STK10: variants seen among roughly 807,000 people sequenced by gnomAD.
STK10 encodes serine/threonine-protein kinase 10.
In STK10, 78 loss-of-function variants were observed where a neutral mutation model predicts 113.8. The ratio of observed to expected loss-of-function variants is 0.69; its 90% CI spans 0.57 to 0.83. The LOEUF is 0.83. Ranked by LOEUF, STK10 falls within the 40% of genes least tolerant of loss-of-function variation. The pLI, the probability that STK10 is intolerant of heterozygous loss-of-function variation, is 0.00. For synonymous variants in STK10, 465 were observed against 494.7 expected, an observed-to-expected ratio of 0.94 and a Z score of 0.80; for missense variants, 1,109 against 1,280.1, an observed-to-expected ratio of 0.87 and a Z score of 2.04.
intron 1 of STK10, among the ~76,000 whole-genome samples, chr5:172,176,618 C>T (rs543929565): frequency 0.015 from 2,283 of 152,274 alleles, 50 homozygotes; most frequent in African/African-American, 0.05. Flanking sequence ...AAAAGACAGT[C>T]CTTCTCTAAT....
chr5:172,175,400 G>A (rs927674838), intron 1 of STK10, among the ~76,000 whole-genome samples: 9 of 152,092 alleles, frequency 5.9e-5, no homozygotes, highest in African/African-American at 1.9e-4. Flanking sequence ...AGAGGGAGAA[G>A]GGAGAAGGAA....
At chr5:172,184,802 G>A (rs1420432770) in intron 1 of STK10, among the ~76,000 whole-genome samples, 4 of 151,866 alleles carry the variant, frequency 2.6e-5, no homozygotes, top group African/African-American at 4.8e-5. Flanking sequence ...TAGGGCACGC[G>A]CCACCACACC....
chr5:172,064,414 G>C (rs1212186048), intron 13 of STK10: 5 of 428,754 alleles, frequency 1.2e-5, no homozygotes, highest in Non-Finnish European at 2.1e-5. Context: ...GGTTGGTCAA[G>C]GAGATGTGAC....
chr5:172,072,758 G>T (rs941093086), intron 12 of STK10, among the ~76,000 whole-genome samples: 7 of 152,070 alleles, frequency 4.6e-5, no homozygotes, highest in African/African-American at 1.7e-4. Context: ...CCTACTGGAG[G>T]CCTTGGCTAG....
rs1232584006 is a variant in STK10 at position 172,160,202 on chromosome 5, G to T, written c.157-3414C>A. 2.7e-5 allele frequency among the ~76,000 whole-genome samples: 4 copies of T among 147,866 alleles called. No homozygotes were observed. The East Asian group carries it at 6.1e-4, about 23-fold the overall frequency. On this transcript the variant is annotated intron_variant, in intron 1 of 18. Transcript: ENST00000176763. ...TACAAAATGGCCCCTAGCCAGGTGCGGTGGTTCATGCCTGTAATCCCAGCA... is the reference window on the plus strand; with the variant it reads ...TACAAAATGGCCCCTAGCCAGGTGCTGTGGTTCATGCCTGTAATCCCAGCA...
chr5:172,114,471 A>ATTTTT (rs1216558864), intron 4 of STK10: 139 of 38,390 alleles, frequency 3.6e-3, no homozygotes, highest in Non-Finnish European at 3.9e-3. Flanking sequence ...ATATATATAT[A>ATTTTT]TATTTTTTTT....
chr5:172,158,981 T>G (rs1394526678), intron 1 of STK10, among the ~76,000 whole-genome samples: 9 of 152,156 alleles, frequency 5.9e-5, no homozygotes, highest in Non-Finnish European at 2.9e-5. Flanking sequence ...TACACAGCTG[T>G]GAACTGATTT....
At chr5:172,062,909 T>A (rs1302823616) in intron 13 of STK10, among the ~76,000 whole-genome samples, 2 of 152,240 alleles carry the variant, frequency 1.3e-5, no homozygotes, top group Non-Finnish European at 2.9e-5. Flanking sequence ...TATGACTATT[T>A]TACCACAATT....
At chr5:172,057,283 C>A in intron 15 of STK10, 66 bp downstream of exon 15, 1 of 1,545,006 alleles carries the variant, frequency 6.5e-7, no homozygotes, top group South Asian at 1.2e-5. Flanking sequence ...CCATCACATA[C>A]AGCCTCATGG....
chr5:172,100,339 C>T (rs752454869), intron 7 of STK10, among the ~76,000 whole-genome samples: 6 of 152,198 alleles, frequency 3.9e-5, no homozygotes, highest in Non-Finnish European at 2.9e-5. Flanking sequence ...TCAGTGCCAT[C>T]TTTGCTGAAA....
chr5:172,161,429 G>A (rs1239627227), intron 1 of STK10, among the ~76,000 whole-genome samples: 1 of 151,882 alleles, frequency 6.6e-6, no homozygotes, highest in Non-Finnish European at 1.5e-5. Flanking sequence ...CTCCAGCCTG[G>A]GTGACAGAGT....
chr5:172,064,490 G>A (rs369829270), intron 13 of STK10: 1 of 592,394 alleles, frequency 1.7e-6, no homozygotes, highest in South Asian at 2.0e-5. Context: ...TCAATGTAAA[G>A]TGTTGGGGTA....
Position 172,056,982 on chromosome 5 carries a change from AGAAAGAAAGAAAGAGAAAGAAG to A in STK10, c.2337+345_2337+366del, listed in dbSNP as rs1561790117. ...AAGAAAGAAAGAAAGAAAGAAAGAA[AGAAAGAAAGAAAGAGAAAGAAG>A]GAAAGAAAGAAAGAAAGAAAGAAAG... On this transcript the variant is annotated intron_variant, in intron 15 of 18. Coordinates refer to ENST00000176763, the MANE Select transcript of STK10 (RefSeq NM_005990.4). 7.7e-4 allele frequency: 82 copies of A among 105,936 alleles called. 1 individual carries two copies. The highest frequency in any genetic ancestry group is 2.9e-3 in the African/African-American group (64 of 22,304). 6.6% of individuals were successfully genotyped at this position (105,936 alleles called of 1,614,324 possible).
chr5:172,060,761 C>T (rs1358238117), intron 14 of STK10, among the ~76,000 whole-genome samples: 1 of 152,212 alleles, frequency 6.6e-6, no homozygotes, highest in Non-Finnish European at 1.5e-5. Context: ...CCCTGCCTCA[C>T]AGTGTTAGGT....
At chr5:172,151,127 G>A (rs1030682308) in intron 2 of STK10, among the ~76,000 whole-genome samples, 3 of 152,222 alleles carry the variant, frequency 2.0e-5, no homozygotes, top group African/African-American at 7.2e-5. Flanking sequence ...GTTTCTGTGT[G>A]CCCAGCCCTG....
At position 172,060,137 on chromosome 5, in the gene STK10, T is replaced by C. The variant is rs143421245; in HGVS notation, c.2212+1002A>G. On this transcript the variant is annotated intron_variant, in intron 14 of 18. Transcript: ENST00000176763. Reference sequence around the variant, plus strand: ...TAAAAGAGACCCCAGGCTGGGCACGTTGGCTTATGCCTCTAATCCCAGCAC... The same window carrying C: ...TAAAAGAGACCCCAGGCTGGGCACGCTGGCTTATGCCTCTAATCCCAGCAC... Among the ~76,000 whole-genome samples, 25 of 152,248 alleles carry C rather than the reference T, an allele frequency of 1.6e-4. No individual in the cohort carries two copies. The East Asian group carries it at 4.7e-3, about 28-fold the overall frequency.
chr5:172,123,804 G>T (rs1459496201), intron 3 of STK10, among the ~76,000 whole-genome samples: 2 of 152,096 alleles, frequency 1.3e-5, no homozygotes, highest in East Asian at 3.9e-4. Context: ...AGATGTGATG[G>T]CTGGAGCTCC....
chr5:172,091,966 G>A (rs1404300118), intron 9 of STK10, among the ~76,000 whole-genome samples: 2 of 152,012 alleles, frequency 1.3e-5, no homozygotes, highest in East Asian at 3.9e-4. Flanking sequence ...CTCCTGCTGA[G>A]TCGAGAGGGG....
At chr5:172,156,399 G>C (rs756240348) in intron 2 of STK10, among the ~76,000 whole-genome samples, 66 of 152,238 alleles carry the variant, frequency 4.3e-4, no homozygotes, top group Non-Finnish European at 8.5e-4. Context: ...TTCGAGGCCA[G>C]GCCATAGCGC....
Sources: allele counts gnomAD v4.1 joint callset (sites outside exome capture counted in the v4.1 genomes callset), GRCh38; gene constraint gnomAD v4.1.1; transcripts MANE v1.5; gene names NCBI Gene and HGNC (gene_info 2026-07-23, HGNC 2026-07-21).